The following NCAM2 variants were observed in gnomAD, a reference collection of about 807,000 sequenced individuals.
NCAM2 encodes the protein neural cell adhesion molecule 2, also known as N-CAM-2.
In NCAM2, 30 loss-of-function variants were observed where a neutral mutation model predicts 98.1. The observed-to-expected ratio is 0.31, with a 90% CI of 0.23 to 0.41. NCAM2 has a LOEUF of 0.41. Ranked by LOEUF, NCAM2 falls within the 10% of genes least tolerant of loss-of-function variation. The pLI is 1.00. For synonymous variants in NCAM2, 368 were observed against 342.4 expected, an observed-to-expected ratio of 1.07 and a Z score of -0.83; for missense variants, 867 against 1,005.8, an observed-to-expected ratio of 0.86 and a Z score of 1.87.
At chr21:21,225,896 T>C (rs772166255) in intron 1 of NCAM2, among the ~76,000 whole-genome samples, 3 of 152,026 alleles carry the variant, frequency 2.0e-5, no homozygotes, top group Non-Finnish European at 4.4e-5. Context: ...ATAGCACTAC[T>C]CACAACAGCA....
At chr21:21,087,915 T>G (rs753881467) in intron 1 of NCAM2, among the ~76,000 whole-genome samples, 2 of 152,194 alleles carry the variant, frequency 1.3e-5, no homozygotes, top group Non-Finnish European at 2.9e-5. Flanking sequence ...AGAGTCATAT[T>G]CATATGTCAG....
At chr21:21,388,998 AGT>A in intron 9 of NCAM2, among the ~76,000 whole-genome samples, 1 of 152,324 alleles carries the variant, frequency 6.6e-6, no homozygotes, top group African/African-American at 2.4e-5. Context: ...TGCAAGCAAA[AGT>A]GTGTAATCCT....
chr21:21,018,363 T>C (rs1206287392), intron 1 of NCAM2, among the ~76,000 whole-genome samples: 1 of 152,220 alleles, frequency 6.6e-6, no homozygotes, highest in Non-Finnish European at 1.5e-5. Flanking sequence ...TTGAACTGCA[T>C]GCGCAGACTT....
At chr21:21,528,037 C>T (rs1989423737) in intron 16 of NCAM2, among the ~76,000 whole-genome samples, 1 of 152,082 alleles carries the variant, frequency 6.6e-6, no homozygotes, top group Admixed American at 6.6e-5. Flanking sequence ...TAGCAAGCCA[C>T]GAAGAGACAT....
At chr21:21,210,486 A>T in intron 1 of NCAM2, 1 of 1,245,742 alleles carries the variant, frequency 8.0e-7, no homozygotes, top group Non-Finnish European at 1.0e-6. Flanking sequence ...ATGAAGTACA[A>T]GTAATTAAAA....
At chr21:21,181,622 G>C (rs770645254) in intron 1 of NCAM2, among the ~76,000 whole-genome samples, 18 of 152,060 alleles carry the variant, frequency 1.2e-4, no homozygotes, top group Non-Finnish European at 2.5e-4. Flanking sequence ...TCCTATCTTA[G>C]GGCCTTTACA....
intron 10 of NCAM2, among the ~76,000 whole-genome samples, chr21:21,417,421 C>T (rs114293641): frequency 3.9e-4 from 59 of 152,160 alleles, no homozygotes; most frequent in African/African-American, 1.4e-3. Context: ...CACAGCTTTT[C>T]TGTACTCTTT....
chr21:21,233,829 T>A (rs1383975808), intron 1 of NCAM2, among the ~76,000 whole-genome samples: 2 of 151,868 alleles, frequency 1.3e-5, no homozygotes, highest in Middle Eastern at 3.4e-3. Context: ...TCAATAAAAA[T>A]TACCATTTTT....
At chr21:21,087,277 G>C (rs1316041269) in intron 1 of NCAM2, among the ~76,000 whole-genome samples, 2 of 152,114 alleles carry the variant, frequency 1.3e-5, no homozygotes, top group Non-Finnish European at 2.9e-5. Flanking sequence ...CTATGCACTT[G>C]CTTCACGAAA....
At chr21:21,419,827 G>A (rs750567078) in intron 11 of NCAM2, among the ~76,000 whole-genome samples, 2 of 152,080 alleles carry the variant, frequency 1.3e-5, no homozygotes, top group Admixed American at 6.6e-5. Context: ...ACATACGCGT[G>A]CATGTGTCTT....
chr21:21,374,867 T>C (rs2075996409), intron 9 of NCAM2, among the ~76,000 whole-genome samples: 2 of 151,810 alleles, frequency 1.3e-5, no homozygotes. Flanking sequence ...AGATGCATTC[T>C]CTTATCGAGA....
At chr21:21,268,398 T>C (rs1601821849) in intron 1 of NCAM2, among the ~76,000 whole-genome samples, 1 of 152,196 alleles carries the variant, frequency 6.6e-6, no homozygotes, top group Admixed American at 6.5e-5. Context: ...TGCTTCTCTT[T>C]TGGACTTACT....
At chr21:21,183,187 C>A (rs530345547) in intron 1 of NCAM2, among the ~76,000 whole-genome samples, 10 of 152,118 alleles carry the variant, frequency 6.6e-5, no homozygotes, top group African/African-American at 2.2e-4. Flanking sequence ...ATGAGACAGG[C>A]GTTTGTTTAT....
intron 12 of NCAM2, among the ~76,000 whole-genome samples, chr21:21,461,855 A>C (rs1396259712): frequency 6.6e-6 from 1 of 152,032 alleles, no homozygotes; most frequent in Non-Finnish European, 1.5e-5. Flanking sequence ...AGGAAACTTA[A>C]AGGCAATTTC....
At chr21:21,234,192 C>G (rs1601719554) in intron 1 of NCAM2, among the ~76,000 whole-genome samples, 1 of 151,790 alleles carries the variant, frequency 6.6e-6, no homozygotes. Context: ...CATTCATTAA[C>G]AATCTACAAT....
At chr21:21,050,204 C>T (rs1169579343) in intron 1 of NCAM2, among the ~76,000 whole-genome samples, 1 of 151,982 alleles carries the variant, frequency 6.6e-6, no homozygotes, top group Non-Finnish European at 1.5e-5. Context: ...TTGCATTTCA[C>T]ACACTCCCTT....
chr21:21,126,928 C>G (rs1408411545), intron 1 of NCAM2, among the ~76,000 whole-genome samples: 2 of 151,800 alleles, frequency 1.3e-5, no homozygotes, highest in African/African-American at 4.8e-5. Context: ...CTTTTACCTT[C>G]TAGGAGAAAA....
At chr21:21,140,524 A>T (rs1360999389) in intron 1 of NCAM2, among the ~76,000 whole-genome samples, 1 of 152,194 alleles carries the variant, frequency 6.6e-6, no homozygotes, top group African/African-American at 2.4e-5. Flanking sequence ...ATTATAAAAT[A>T]TGAAATAAAT....
At chr21:21,148,591 T>G (rs982827562) in intron 1 of NCAM2, among the ~76,000 whole-genome samples, 6 of 152,216 alleles carry the variant, frequency 3.9e-5, no homozygotes, top group African/African-American at 1.4e-4. Flanking sequence ...AAATTTTCCT[T>G]TAGAATCTTC....
Sources: gnomAD v4.1 joint callset for allele counts (sites outside exome capture counted in the v4.1 genomes callset) on GRCh38, gnomAD v4.1.1 for gene constraint, MANE v1.5 for transcripts, NCBI Gene and HGNC (gene_info 2026-07-23, HGNC 2026-07-21) for gene names.